The following NCAPD3 variants were observed in gnomAD, a reference collection of about 807,000 sequenced individuals.
NCAPD3 encodes the protein condensin-2 complex subunit D3.
NCAPD3 carries 105 observed loss-of-function variants against 182.9 expected under a neutral mutation model. That is an observed-to-expected ratio of 0.57 (90% CI 0.49 to 0.68). The LOEUF (loss-of-function observed/expected upper bound fraction) is 0.68. NCAPD3 is among the 30% of genes least tolerant of loss of function. The pLI is 0.00. For synonymous variants in NCAPD3, 815 were observed against 679.9 expected (o/e 1.20, Z -3.09); for missense variants, 1,944 against 1,837.0 (o/e 1.06, Z -1.07).
chr11:134,222,673 T>G (rs1938276238), intron 1 of NCAPD3, among the ~76,000 whole-genome samples: 1 of 152,184 alleles, frequency 6.6e-6, no homozygotes, highest in Non-Finnish European at 1.5e-5. Context: ...TAATAGGGAA[T>G]AGTACTGGGG....
rs1943281260 is a variant in NCAPD3 at position 134,152,607 on chromosome 11, AAAAG to A, written c.*333_*336del. On this transcript the variant is annotated 3_prime_UTR_variant, in exon 35 of 35. Transcript: ENST00000534548. ...AAGTTAACAGAGGCTTGATTTATAT[AAAAG>A]AAAGCTGCAGTTTTAAAGTTGTGTT... 5.0e-6 allele frequency: 1 copy of A among 199,980 alleles called. No homozygotes were observed. The highest frequency in any genetic ancestry group is 1.0e-5 in the Non-Finnish European group (1 of 100,422). The allele number at this position is 199,980 out of a possible 1,614,324, so 12.4% of individuals were successfully genotyped here. A position where few individuals can be genotyped will look rare whatever the true frequency, so the allele number is the denominator to read the frequency against.
rs191766249 is a variant in NCAPD3, at chr11:134,157,129, C to A, written c.4175-34G>T. 7,542 of 1,536,536 alleles carry A rather than the reference C, an allele frequency of 4.9e-3. 25 individuals are homozygous for A. The highest frequency in any genetic ancestry group is 6.1e-3 in the Non-Finnish European group (6,793 of 1,118,322). ...GAAAAGGTGCTGCTATCCAGAAATA[C>A]CCCCAAACAATAACGAAGAGCAAAA... On this transcript the variant is annotated intron_variant, in intron 31 of 34. Coordinates refer to ENST00000534548, the MANE Select transcript of NCAPD3 (RefSeq NM_015261.3).
At chr11:134,174,028 A>G (rs1944093615) in intron 24 of NCAPD3, among the ~76,000 whole-genome samples, 1 of 152,098 alleles carries the variant, frequency 6.6e-6, no homozygotes, top group Admixed American at 6.5e-5. Context: ...AGAAAAAAAA[A>G]GTCATAAAAA....
At position 134,178,551 on chromosome 11, in the gene NCAPD3, A is replaced by T. The variant is rs1591838157; in HGVS notation, c.2782+83T>A. The T allele has an allele frequency of 3.6e-6, 4 of 1,108,014 alleles. No individual in the cohort carries two copies. The East Asian group carries it at 9.5e-5, about 26-fold the overall frequency. The allele number at this position is 1,108,014 out of a possible 1,614,324, so 68.6% of individuals were successfully genotyped here. A position where few individuals can be genotyped will look rare whatever the true frequency, so the allele number is the denominator to read the frequency against. On this transcript the variant is annotated intron_variant, in intron 22 of 34. Transcript: ENST00000534548. ...ACACAGACAGGCTCCGCAGCCCCTG[A>T]CACAGTCCCATGGCTGGGCTTACTT...
At chr11:134,164,540 G>A (rs1303524779) in intron 27 of NCAPD3, among the ~76,000 whole-genome samples, 4 of 152,216 alleles carry the variant, frequency 2.6e-5, no homozygotes, top group Admixed American at 1.3e-4. Flanking sequence ...GAGAAGAGTG[G>A]GACACTCACT....
Position 134,153,157 on chromosome 11 carries a change from T to C in NCAPD3, c.4371A>G (p.Leu1457=). 6.2e-7 allele frequency: 1 copy of C among 1,614,194 alleles called. No homozygotes were observed. The highest frequency in any genetic ancestry group is 8.5e-7 in the Non-Finnish European group (1 of 1,180,006). The part of the protein sequence containing the change: ...GRSQGNDILC[L]SLPDKPPPQP... ...AAACTTACGGTTTATCAGGCAGTGA[T>C]AAACATAAGATGTCATTTCCTTGAC... The change falls in exon 34 of 35, where the codon TTA becomes TTG. Residue 1457 remains leucine (L), a synonymous_variant. Coordinates refer to ENST00000534548, the MANE Select transcript of NCAPD3 (RefSeq NM_015261.3).
At position 134,168,536 on chromosome 11, in the gene NCAPD3, A is replaced by C. The variant is rs371658223; in HGVS notation, c.3306T>G (p.Phe1102Leu). The C allele has an allele frequency of 6.2e-7, 1 of 1,614,150 alleles. No individual in the cohort carries two copies. The highest frequency in any genetic ancestry group is 1.3e-5 in the African/African-American group (1 of 75,050). ...GTTCATCTGTGAAGTGCTCTAGAAG[A>C]AATTTGTAGATTTTCATTCGTCTCT... ...NKERRMKIYK[F>L]LLEHFTDEQR... is the part of the protein sequence containing the mutation. The change falls in exon 26 of 35, where the codon TTT (phenylalanine) becomes TTG (leucine). Residue 1102 changes from phenylalanine to leucine, a missense_variant. Around this residue, in one of 3 missense-constraint regions of NCAPD3, gnomAD observed 1,803 missense variants for 1,674.6 expected, o/e 1.08. Transcript: ENST00000534548.
At chr11:134,153,264 G>A in intron 33 of NCAPD3, 25 bp downstream of exon 33, 2 of 1,613,856 alleles carry the variant, frequency 1.2e-6, no homozygotes, top group Non-Finnish European at 1.7e-6. Context: ...GCATCTATCA[G>A]CCCAGAAGGA....
At chr11:134,221,684 C>T (rs928318076) in intron 1 of NCAPD3, among the ~76,000 whole-genome samples, 4 of 152,136 alleles carry the variant, frequency 2.6e-5, no homozygotes, top group African/African-American at 9.7e-5. Context: ...TATTTGTTCA[C>T]CACTGATTTA....
At chr11:134,194,557 C>T (rs185470073) in intron 14 of NCAPD3, 108 bp downstream of exon 14, 18 of 699,234 alleles carry the variant, frequency 2.6e-5, no homozygotes, top group African/African-American at 1.8e-4. Context: ...AACAGTTAGG[C>T]GAAAAGCAAA....
intron 17 of NCAPD3, 74 bp from the exon 18 acceptor site, chr11:134,185,074 G>T: frequency 8.3e-7 from 1 of 1,208,652 alleles, no homozygotes; most frequent in Non-Finnish European, 1.2e-6. Flanking sequence ...CTTTCTTCTG[G>T]ATTAATAACA....
At chr11:134,169,143 G>C (rs995853802) in intron 24 of NCAPD3, 89 bp from the exon 25 acceptor site, 2 of 1,341,974 alleles carry the variant, frequency 1.5e-6, no homozygotes, top group Admixed American at 4.6e-5. Flanking sequence ...GAGCAGAGGA[G>C]AGCTGTACAT....
intron 13 of NCAPD3, among the ~76,000 whole-genome samples, chr11:134,199,265 GC>G (rs1313117608): frequency 2.0e-5 from 3 of 152,156 alleles, no homozygotes; most frequent in Non-Finnish European, 2.9e-5. Context: ...GACAGTTAAA[GC>G]AGACAATTAA....
At chr11:134,225,018 G>T, upstream of NCAPD3, 1 of 1,121,678 alleles carries the variant, frequency 8.9e-7, no homozygotes, top group South Asian at 2.4e-5. Context: ...CGCGGCGGCC[G>T]AGCGCGCTCG....
intron 13 of NCAPD3, among the ~76,000 whole-genome samples, chr11:134,195,932 C>G (rs115150113): frequency 6.6e-6 from 1 of 152,096 alleles, no homozygotes; most frequent in Non-Finnish European, 1.5e-5. Flanking sequence ...GAACACTGCA[C>G]TCATTTTTAC....
At chr11:134,197,961 G>C (rs1266170488) in intron 13 of NCAPD3, among the ~76,000 whole-genome samples, 2 of 152,030 alleles carry the variant, frequency 1.3e-5, no homozygotes, top group African/African-American at 4.8e-5. Context: ...TTCCCCCTAA[G>C]TAAAGAAAAA....
At chr11:134,213,474 T>C (rs1409296331) in intron 3 of NCAPD3, among the ~76,000 whole-genome samples, 2 of 151,842 alleles carry the variant, frequency 1.3e-5, no homozygotes, top group Non-Finnish European at 2.9e-5. Flanking sequence ...CGTGTTACCA[T>C]ATCCGGCTAA....
Position 134,216,983 on chromosome 11 carries a change from T to C in NCAPD3, c.335A>G (p.Tyr112Cys). 1 of 1,613,818 alleles carries C rather than the reference T, an allele frequency of 6.2e-7. No homozygotes were observed. The highest frequency in any genetic ancestry group is 8.5e-7 in the Non-Finnish European group (1 of 1,179,944). Reference protein sequence around the residue: ...KKNVSVQYREYGLHAAGLYFL... With the variant: ...KKNVSVQYRECGLHAAGLYFL... The stretch of plus-strand genomic sequence containing the variant: ...GTAAAGCCCAGCGGCATGAAGGCCA[T>C]ATTCTCGATACTGTACACTGACATT... Residue 112 changes from tyrosine to cysteine, a missense_variant, in exon 3 of 35, where the codon TAT becomes TGT. Tyr to Cys is a radical substitution (Grantham distance 194). Transcript: ENST00000534548.
At chr11:134,165,864 T>A (rs1333524507) in intron 27 of NCAPD3, among the ~76,000 whole-genome samples, 15 of 87,548 alleles carry the variant, frequency 1.7e-4, no homozygotes, top group East Asian at 3.7e-4. Flanking sequence ...TTAGGGGAGC[T>A]GCACACTCAC....
Sources: gnomAD v4.1 joint callset for allele counts (sites outside exome capture counted in the v4.1 genomes callset) on GRCh38, gnomAD v4.1.1 for gene constraint, gnomAD v4.1.1 regional missense constraint, MANE v1.5 for transcripts, NCBI Gene and HGNC (gene_info 2026-07-23, HGNC 2026-07-21) for gene names.